Variants in MAP2K4 observed in about 807,000 individuals in gnomAD.
MAP2K4 encodes dual specificity mitogen-activated protein kinase kinase 4.
MAP2K4 carries 4 observed loss-of-function variants against 48.5 expected under a neutral mutation model. The ratio of observed to expected loss-of-function variants is 0.08; its 90% confidence interval spans 0.04 to 0.19. MAP2K4 has a LOEUF of 0.19. MAP2K4 is among the 10% of genes least tolerant of loss of function. MAP2K4 has a pLI of 1.00. For missense variants in MAP2K4, 258 were observed against 493.3 expected, an observed-to-expected ratio of 0.52 and a Z score of 4.52; for synonymous variants, 166 against 173.1, an observed-to-expected ratio of 0.96 and a Z score of 0.32.
At chr17:12,031,857 G>C (rs541698154) in intron 1 of MAP2K4, among the ~76,000 whole-genome samples, 1 of 152,226 alleles carries the variant, frequency 6.6e-6, no homozygotes, top group East Asian at 1.9e-4. Flanking sequence ...ATCATAGATG[G>C]TAATTAATCA....
In MAP2K4 at chr17:12,143,088, T is replaced by TC. The variant is rs1367499450; in HGVS notation, c.*1830dup. 2 of 232,964 alleles carry TC rather than the reference T, an allele frequency of 8.6e-6. No individual in the cohort carries two copies. Among genetic ancestry groups the TC allele is most frequent in the African/African-American group, 4.4e-5 (2 of 45,336 alleles). 14.4% of individuals were successfully genotyped at this position (232,964 alleles called of 1,614,324 possible). ...TTTCCCTATCTTCTCCCCCACGGTA[T>TC]CCTAAACTTTAGACTTCCCACTGTT... is the stretch of plus-strand genomic sequence containing the variant. On this transcript the variant is annotated 3_prime_UTR_variant, in exon 11 of 11. Transcript: ENST00000353533.
chr17:12,116,015 A>C (rs1323121914), intron 7 of MAP2K4: 1 of 367,422 alleles, frequency 2.7e-6, no homozygotes, highest in African/African-American at 2.1e-5. Context: ...AGAGAAAAAA[A>C]CCAAATGACC....
At chr17:12,036,330 T>A (rs1969597048) in intron 1 of MAP2K4, among the ~76,000 whole-genome samples, 1 of 152,222 alleles carries the variant, frequency 6.6e-6, no homozygotes, top group Non-Finnish European at 1.5e-5. Context: ...TTGATTAATT[T>A]ATCTGTTATT....
chr17:12,092,403 T>C (rs1971590849), intron 3 of MAP2K4, among the ~76,000 whole-genome samples: 1 of 152,230 alleles, frequency 6.6e-6, no homozygotes, highest in Admixed American at 6.5e-5. Context: ...TAGGTAGTTA[T>C]GCTCCTTTAA....
chr17:12,068,380 G>C (rs1359377457), intron 2 of MAP2K4, among the ~76,000 whole-genome samples: 1 of 152,122 alleles, frequency 6.6e-6, no homozygotes, highest in African/African-American at 2.4e-5. Context: ...ACTGAAAGGA[G>C]GTAAGAATAT....
intron 3 of MAP2K4, among the ~76,000 whole-genome samples, chr17:12,085,713 G>T (rs1971338960): frequency 6.6e-6 from 1 of 151,988 alleles, no homozygotes; most frequent in South Asian, 2.1e-4. Context: ...TTGAGACCCA[G>T]CCTAATCCTG....
At chr17:12,087,311 G>A (rs749839640) in intron 3 of MAP2K4, among the ~76,000 whole-genome samples, 7 of 152,122 alleles carry the variant, frequency 4.6e-5, no homozygotes, top group Non-Finnish European at 1.0e-4. Context: ...ATTGTCGTAA[G>A]TACTGAAATG....
At chr17:12,135,882 G>C (rs187286748) in intron 9 of MAP2K4, among the ~76,000 whole-genome samples, 1 of 152,240 alleles carries the variant, frequency 6.6e-6, no homozygotes, top group African/African-American at 2.4e-5. Flanking sequence ...AAGAGTTGGT[G>C]CAAAACTGAG....
intron 2 of MAP2K4, among the ~76,000 whole-genome samples, chr17:12,061,554 C>A (rs987786034): frequency 6.6e-6 from 1 of 152,150 alleles, no homozygotes; most frequent in Non-Finnish European, 1.5e-5. Flanking sequence ...GATGCTAATT[C>A]TGGAATATGT....
In MAP2K4 at chr17:12,143,773, G is replaced by A. The variant is rs1973447683; in HGVS notation, c.*2513G>A. 1 of 229,184 alleles carries A rather than the reference G, an allele frequency of 4.4e-6. No individual in the cohort carries two copies. 14.2% of individuals were successfully genotyped at this position (229,184 alleles called of 1,614,324 possible). A position where few individuals can be genotyped will look rare whatever the true frequency, so the allele number is the denominator to read the frequency against. On this transcript the variant is annotated 3_prime_UTR_variant, in exon 11 of 11. Transcript: ENST00000353533. ...TTTTCTGAAATCAGACCCTGAGAGG[G>A]GAAAATCTTAAAGTAAATTACATTA... is the stretch of plus-strand genomic sequence containing the variant.
chr17:12,107,719 A>G (rs1328840243), intron 4 of MAP2K4, 71 bp from the exon 5 acceptor site: 1 of 1,281,644 alleles, frequency 7.8e-7, no homozygotes, highest in Non-Finnish European at 1.1e-6. Context: ...TTTCTATTGT[A>G]TTTCCATTTT....
At chr17:12,045,293 G>C (rs1015937945) in intron 1 of MAP2K4, among the ~76,000 whole-genome samples, 4 of 152,110 alleles carry the variant, frequency 2.6e-5, no homozygotes, top group African/African-American at 9.7e-5. Context: ...CTTATAGGTG[G>C]TGAACAGTTG....
intron 4 of MAP2K4, among the ~76,000 whole-genome samples, chr17:12,103,713 T>G (rs1404640271): frequency 3.3e-5 from 5 of 152,160 alleles, no homozygotes; most frequent in Non-Finnish European, 7.4e-5. Context: ...ACATTTTACA[T>G]AATATCGCTT....
At chr17:12,075,352 A>G (rs1970966910) in intron 2 of MAP2K4, among the ~76,000 whole-genome samples, 1 of 152,256 alleles carries the variant, frequency 6.6e-6, no homozygotes, top group South Asian at 2.1e-4. Flanking sequence ...ATACTGCATG[A>G]CAGCAAAAGA....
chr17:12,103,239 G>T (rs992486162), intron 4 of MAP2K4, among the ~76,000 whole-genome samples: 1 of 149,998 alleles, frequency 6.7e-6, no homozygotes, highest in East Asian at 2.0e-4. Context: ...TGGAGGTGGG[G>T]TCTCACTTTG....
At chr17:12,131,338 C>A (rs966467916) in intron 9 of MAP2K4, among the ~76,000 whole-genome samples, 1 of 151,562 alleles carries the variant, frequency 6.6e-6, no homozygotes, top group South Asian at 2.1e-4. Flanking sequence ...CTCCACCTCC[C>A]GGGTTCAAAC....
intron 3 of MAP2K4, among the ~76,000 whole-genome samples, chr17:12,092,762 C>CA (rs1192068096): frequency 1.3e-5 from 2 of 152,208 alleles, no homozygotes; most frequent in African/African-American, 4.8e-5. Flanking sequence ...CACAGTGGCT[C>CA]ACGCCTGTAA....
At chr17:12,105,114 T>C (rs1200674870) in intron 4 of MAP2K4, among the ~76,000 whole-genome samples, 1 of 152,160 alleles carries the variant, frequency 6.6e-6, no homozygotes, top group African/African-American at 2.4e-5. Flanking sequence ...AAAAAGTCTT[T>C]GTGTAGTAGG....
intron 1 of MAP2K4, among the ~76,000 whole-genome samples, chr17:12,027,209 A>G (rs184311923): frequency 3.0e-4 from 45 of 152,264 alleles, no homozygotes; most frequent in Admixed American, 1.4e-3. Context: ...AAGTCGTAAG[A>G]CTGGCCTTGC....
Sources: allele counts gnomAD v4.1 joint callset (sites outside exome capture counted in the v4.1 genomes callset), GRCh38; gene constraint gnomAD v4.1.1; transcripts MANE v1.5; gene names NCBI Gene and HGNC (gene_info 2026-07-23, HGNC 2026-07-21).